FANK1: variants seen among roughly 807,000 people sequenced by gnomAD.
FANK1 encodes the protein fibronectin type 3 and ankyrin repeat domains protein 1.
A neutral mutation model predicts 45.3 loss-of-function variants in FANK1; 44 were observed. The ratio of observed to expected loss-of-function variants is 0.97; its 90% confidence interval spans 0.76 to 1.25. The LOEUF (loss-of-function observed/expected upper bound fraction) is 1.25, where lower values mean the gene tolerates loss of function less well. Ranked by LOEUF, FANK1 falls within the 50% of genes most tolerant of loss-of-function variation. The pLI, the probability that FANK1 is intolerant of heterozygous loss-of-function variation, is 0.00. For synonymous variants in FANK1, 149 were observed against 152.5 expected (o/e 0.98, Z 0.17); for missense variants, 391 against 424.4 (o/e 0.92, Z 0.69).
chr10:125,961,503 G>A (rs11244731), intron 1 of FANK1, among the ~76,000 whole-genome samples: 48,384 of 151,928 alleles, frequency 0.32, 8,039 homozygotes, highest in East Asian at 0.46. Flanking sequence ...ATATCCATAG[G>A]CAGAAGAATG....
At chr10:125,990,370 T>A (rs894388628) in intron 3 of FANK1, among the ~76,000 whole-genome samples, 1 of 152,122 alleles carries the variant, frequency 6.6e-6, no homozygotes, top group Non-Finnish European at 1.5e-5. Context: ...CTCTCCAGCC[T>A]GGGCAACAGA....
At chr10:125,938,196 G>C (rs1283257130) in intron 1 of FANK1, among the ~76,000 whole-genome samples, 1 of 152,140 alleles carries the variant, frequency 6.6e-6, no homozygotes, top group Non-Finnish European at 1.5e-5. Flanking sequence ...TGGAAAACAG[G>C]ATTCTCACTG....
chr10:125,902,056 T>A (rs1160815517), intron 1 of FANK1, among the ~76,000 whole-genome samples: 2 of 151,910 alleles, frequency 1.3e-5, no homozygotes, highest in Non-Finnish European at 2.9e-5. Flanking sequence ...GAGGTGGAGG[T>A]TGCAGTGAGC....
intron 3 of FANK1, among the ~76,000 whole-genome samples, chr10:125,990,773 A>G (rs555567490): frequency 1.3e-5 from 2 of 152,300 alleles, no homozygotes; most frequent in South Asian, 4.1e-4. Context: ...GAGGCTGGGT[A>G]ATTTATTATA....
intron 1 of FANK1, among the ~76,000 whole-genome samples, chr10:125,960,780 C>G (rs538116488): frequency 5.3e-5 from 8 of 152,306 alleles, no homozygotes; most frequent in African/African-American, 1.4e-4. Context: ...TGTTATCTGC[C>G]CGCCTCGGCC....
intron 1 of FANK1, among the ~76,000 whole-genome samples, chr10:125,934,155 T>G (rs1947925467): frequency 6.6e-6 from 1 of 152,208 alleles, no homozygotes; most frequent in Admixed American, 6.5e-5. Context: ...GTTAAATAGC[T>G]AATTTCAACA....
intron 6 of FANK1, among the ~76,000 whole-genome samples, chr10:125,998,991 A>AG (rs1439606266): frequency 6.6e-6 from 1 of 152,170 alleles, no homozygotes; most frequent in East Asian, 1.9e-4. Flanking sequence ...AATTTGATAG[A>AG]GGAAAAAAAA....
At chr10:125,917,114 G>GACCAA (rs1201569021) in intron 1 of FANK1, among the ~76,000 whole-genome samples, 1 of 143,634 alleles carries the variant, frequency 7.0e-6, no homozygotes, top group African/African-American at 2.6e-5. Context: ...CAACAGATCA[G>GACCAA]ACCAAACCAA....
At chr10:125,924,254 G>GGTT (rs1554916248) in intron 1 of FANK1, among the ~76,000 whole-genome samples, 1 of 143,898 alleles carries the variant, frequency 6.9e-6, no homozygotes. Flanking sequence ...CTGATGCTTA[G>GGTT]TTTTTTTTTT....
intron 1 of FANK1, among the ~76,000 whole-genome samples, chr10:125,905,453 ACTT>A (rs527750104): frequency 8.5e-5 from 13 of 152,058 alleles, no homozygotes; most frequent in African/African-American, 2.9e-4. Context: ...GAGTTTACAT[ACTT>A]CTTCTGTTTG....
intron 1 of FANK1, among the ~76,000 whole-genome samples, chr10:125,915,338 A>G (rs1431751195): frequency 6.6e-6 from 1 of 152,232 alleles, no homozygotes; most frequent in Admixed American, 6.5e-5. Context: ...ACCCAAAGGG[A>G]CGGACACATC....
intron 1 of FANK1, among the ~76,000 whole-genome samples, chr10:125,935,692 TA>T: frequency 6.6e-6 from 1 of 152,018 alleles, no homozygotes; most frequent in East Asian, 2.0e-4. Flanking sequence ...ATTTGAAAAA[TA>T]ACATTTATTA....
chr10:125,927,720 T>A (rs1345075762), intron 1 of FANK1, among the ~76,000 whole-genome samples: 1 of 152,022 alleles, frequency 6.6e-6, no homozygotes, highest in East Asian at 1.9e-4. Flanking sequence ...TTGGCTAATT[T>A]TTTTTAGTAG....
chr10:125,928,949 A>G (rs1947565376), intron 1 of FANK1, among the ~76,000 whole-genome samples: 1 of 152,202 alleles, frequency 6.6e-6, no homozygotes, highest in Non-Finnish European at 1.5e-5. Context: ...ATTTATCAGT[A>G]TTTTCCTTTA....
At chr10:125,955,645 T>C (rs1949531269) in intron 1 of FANK1, among the ~76,000 whole-genome samples, 1 of 152,160 alleles carries the variant, frequency 6.6e-6, no homozygotes, top group African/African-American at 2.4e-5. Flanking sequence ...CACACCCAGC[T>C]AACTTTTGTC....
At chr10:125,957,340 C>T (rs922056130) in intron 1 of FANK1, among the ~76,000 whole-genome samples, 11 of 151,962 alleles carry the variant, frequency 7.2e-5, no homozygotes, top group African/African-American at 2.7e-4. Flanking sequence ...TGTAGGCAGA[C>T]AACATATTTT....
intron 1 of FANK1, among the ~76,000 whole-genome samples, chr10:125,967,614 A>AT (rs902195527): frequency 4.6e-5 from 7 of 151,952 alleles, no homozygotes; most frequent in African/African-American, 9.7e-5. Flanking sequence ...TCATTTATTT[A>AT]TTTTTTTGAG....
In FANK1 at chr10:125,997,324, A is replaced by G. The variant is rs73372506; in HGVS notation, c.474-96A>G. 2,266 of 917,136 alleles carry G rather than the reference A, an allele frequency of 2.5e-3. 26 individuals are homozygous for G. Among genetic ancestry groups the G allele is most frequent in the African/African-American group, 0.023 (1,386 of 60,254 alleles). The allele number at this position is 917,136 out of a possible 1,614,324, so 56.8% of individuals were successfully genotyped here. ...TGCAGAAGAAACTGTTGAAAGATAC[A>G]TCTTGGATGCTGTGTTACTCATTTT... is the stretch of plus-strand genomic sequence containing the variant. On this transcript the variant is annotated intron_variant, in intron 5 of 10. Coordinates refer to ENST00000368693, the MANE Select transcript of FANK1 (RefSeq NM_145235.5).
chr10:125,906,280 C>T (rs954117045), intron 1 of FANK1, among the ~76,000 whole-genome samples: 9 of 152,070 alleles, frequency 5.9e-5, no homozygotes, highest in Non-Finnish European at 1.3e-4. Flanking sequence ...CTTTGAGAGG[C>T]CAAGGTGGGC....
Sources: allele counts gnomAD v4.1 joint callset (sites outside exome capture counted in the v4.1 genomes callset), GRCh38; gene constraint gnomAD v4.1.1; transcripts MANE v1.5; gene names NCBI Gene and HGNC (gene_info 2026-07-23, HGNC 2026-07-21).